The following ANK1 variants were observed in gnomAD, a reference collection of about 807,000 sequenced individuals.
ANK1 encodes ankyrin 1.
ANK1 carries 51 observed loss-of-function variants against 210.4 expected under a neutral mutation model. The ratio of observed to expected loss-of-function variants is 0.24; its 90% confidence interval spans 0.19 to 0.31. ANK1 has a LOEUF of 0.31. Among genes scored for constraint, ANK1 ranks in the 10% least tolerant of loss-of-function variants. The pLI is 1.00. For synonymous variants in ANK1, 967 were observed against 1,025.9 expected (o/e 0.94, Z 1.10); for missense variants, 2,051 against 2,504.4 (o/e 0.82, Z 3.86).
At chr8:41,721,656 CAAAAAA>C (rs55653901) in intron 9 of ANK1, among the ~76,000 whole-genome samples, 4 of 108,130 alleles carry the variant, frequency 3.7e-5, no homozygotes, top group Admixed American at 9.6e-5. Context: ...GACTTCATCT[CAAAAAA>C]AAAAAAAAAA....
Position 41,688,172 on chromosome 8 carries a change from G to A in ANK1, c.4242C>T (p.Leu1414=), listed in dbSNP as rs369921554. Residue 1414 remains leucine (L), a synonymous_variant, in exon 35 of 43, where the codon CTC becomes CTT. Coordinates refer to ENST00000289734, the MANE Select transcript of ANK1 (RefSeq NM_000037.4). The part of the protein sequence containing the change: ...EMKMAVISEH[L]GLSWAELARE... ...CCCACTCACCTGCCCAGCTGAGACC[G>A]AGGTGCTCTGAGATAACAGCCATCT... The A allele has an allele frequency of 2.4e-5, 38 of 1,614,096 alleles. No homozygotes were observed. Among genetic ancestry groups the A allele is most frequent in the South Asian group, 2.3e-4 (21 of 91,082 alleles).
chr8:41,693,309 CTT>C, intron 29 of ANK1, 108 bp from the exon 30 acceptor site: 1 of 1,012,024 alleles, frequency 9.9e-7, no homozygotes, highest in Non-Finnish European at 1.5e-6. Flanking sequence ...GTGAAGCTCA[CTT>C]TGTCTGCAGC....
chr8:41,872,176 T>C (rs1815650938), intron 1 of ANK1, among the ~76,000 whole-genome samples: 1 of 152,176 alleles, frequency 6.6e-6, no homozygotes, highest in Non-Finnish European at 1.5e-5. Flanking sequence ...TGACTTCTCA[T>C]CTTGTGCAGA....
intron 1 of ANK1, among the ~76,000 whole-genome samples, chr8:41,809,324 G>T (rs1408559746): frequency 6.6e-6 from 1 of 152,244 alleles, no homozygotes; most frequent in Non-Finnish European, 1.5e-5. Flanking sequence ...AAACTTCCAA[G>T]CCAGCAGGAG....
intron 1 of ANK1, among the ~76,000 whole-genome samples, chr8:41,774,698 G>T (rs768533175): frequency 1.3e-5 from 2 of 152,246 alleles, no homozygotes; most frequent in African/African-American, 4.8e-5. Flanking sequence ...AGATATTGGG[G>T]TGTCTTGTGG....
intron 18 of ANK1, 137 bp downstream of exon 18, chr8:41,706,006 C>G: frequency 1.2e-6 from 1 of 869,170 alleles, no homozygotes; most frequent in Admixed American, 2.0e-5. Context: ...TGTTTTCAAA[C>G]TCCACTGCCA....
chr8:41,717,492 G>T, intron 12 of ANK1, 112 bp downstream of exon 12: 9 of 1,038,588 alleles, frequency 8.7e-6, no homozygotes, highest in Non-Finnish European at 1.2e-5. Flanking sequence ...AGCATTGGCT[G>T]TTCTGGGAAT....
At chr8:41,849,790 T>G (rs1256452587) in intron 1 of ANK1, among the ~76,000 whole-genome samples, 1 of 152,218 alleles carries the variant, frequency 6.6e-6, no homozygotes, top group East Asian at 1.9e-4. Flanking sequence ...AGCACGTCAC[T>G]CACAATTTTC....
chr8:41,809,502 C>G (rs1440711550), intron 1 of ANK1, among the ~76,000 whole-genome samples: 2 of 152,184 alleles, frequency 1.3e-5, no homozygotes, highest in East Asian at 3.8e-4. Context: ...CATGGTGGCT[C>G]ACGCCTGTCA....
chr8:41,831,826 G>A (rs528318322), intron 1 of ANK1, among the ~76,000 whole-genome samples: 1 of 152,266 alleles, frequency 6.6e-6, no homozygotes, highest in East Asian at 1.9e-4. Flanking sequence ...TAGACCAACC[G>A]CAGCACCTCG....
intron 17 of ANK1, 65 bp from the exon 18 acceptor site, chr8:41,706,306 C>T (rs1055613411): frequency 8.9e-6 from 13 of 1,452,544 alleles, no homozygotes; most frequent in Admixed American, 5.7e-5. Context: ...AAGTAAAGAG[C>T]TCTGAGGTCT....
At chr8:41,836,666 G>C (rs563271709) in intron 1 of ANK1, among the ~76,000 whole-genome samples, 2 of 152,256 alleles carry the variant, frequency 1.3e-5, no homozygotes, top group Admixed American at 6.5e-5. Context: ...GCTCACACCT[G>C]TAATTGCTGT....
Position 41,725,951 on chromosome 8 carries a change from C to G in ANK1, c.427-5G>C, listed in dbSNP as rs1480129399. On this transcript the variant is annotated splice_region_variant and splice_polypyrimidine_tract_variant and intron_variant, in intron 5 of 42. Coordinates refer to ENST00000289734, the MANE Select transcript of ANK1 (RefSeq NM_000037.4). ...CGCCAGAGGCGTGAAGCCGTCCTGG[C>G]CAGAGGAGGAAAATGCTTTGCTCTG... The G allele has an allele frequency of 6.2e-7, 1 of 1,612,868 alleles. No individual in the cohort carries two copies. The highest frequency in any genetic ancestry group is 1.7e-5 in the Admixed American group (1 of 59,986).
intron 2 of ANK1, among the ~76,000 whole-genome samples, chr8:41,741,029 C>T (rs779196517): frequency 5.9e-5 from 9 of 152,172 alleles, no homozygotes; most frequent in African/African-American, 2.2e-4. Flanking sequence ...TCACCTCATG[C>T]ACCCATGGGG....
chr8:41,816,391 A>G (rs1451841122), intron 1 of ANK1, among the ~76,000 whole-genome samples: 1 of 152,236 alleles, frequency 6.6e-6, no homozygotes, highest in Non-Finnish European at 1.5e-5. Flanking sequence ...ATTATATTTA[A>G]TGCTAACAAT....
At chr8:41,792,929 G>T (rs1281778403) in intron 1 of ANK1, among the ~76,000 whole-genome samples, 2 of 152,230 alleles carry the variant, frequency 1.3e-5, no homozygotes, top group Non-Finnish European at 2.9e-5. Context: ...CATGTGGCAG[G>T]CACTGTGCTA....
At chr8:41,687,181 C>T (rs1215721601) in intron 35 of ANK1, among the ~76,000 whole-genome samples, 1 of 152,082 alleles carries the variant, frequency 6.6e-6, no homozygotes, top group African/African-American at 2.4e-5. Context: ...TAAAAGCTAA[C>T]AAAAAATAAG....
chr8:41,822,864 G>T (rs887026969), intron 1 of ANK1, among the ~76,000 whole-genome samples: 2 of 152,192 alleles, frequency 1.3e-5, no homozygotes, highest in Non-Finnish European at 2.9e-5. Context: ...GCACGAGAGC[G>T]GGGGCGGTGG....
rs1200799689 is a variant in ANK1 at position 41,729,166 on chromosome 8, A to C, written c.229-1160T>G. Among the ~76,000 whole-genome samples the C allele has an allele frequency of 3.9e-5, 6 of 152,232 alleles. No homozygotes were observed. In the East Asian group the frequency reaches 1.2e-3, roughly 29 times the overall value. On this transcript the variant is annotated intron_variant, in intron 3 of 42. Coordinates refer to ENST00000289734, the MANE Select transcript of ANK1 (RefSeq NM_000037.4). ...AATCAGAAAATAAATGGGGGGTAAT[A>C]AATGGAATACAATCTGGCCAAGAAA...
Sources: gnomAD v4.1 joint callset for allele counts (sites outside exome capture counted in the v4.1 genomes callset) on GRCh38, gnomAD v4.1.1 for gene constraint, MANE v1.5 for transcripts, NCBI Gene and HGNC (gene_info 2026-07-23, HGNC 2026-07-21) for gene names.